MKNK1: variants seen among roughly 807,000 people sequenced by gnomAD.
MKNK1 encodes the protein MAP kinase-interacting serine/threonine-protein kinase 1.
In MKNK1, 30 loss-of-function variants were observed where a neutral mutation model predicts 49.3. The observed-to-expected ratio is 0.61, with a 90% CI of 0.46 to 0.83. MKNK1 has a LOEUF of 0.83. MKNK1 is among the 40% of genes least tolerant of loss of function. The probability of loss-of-function intolerance (pLI) is 0.00; values close to 1 mark genes in which losing one functional copy is unlikely to be tolerated. For missense variants in MKNK1, 423 were observed against 524.7 expected (o/e 0.81, Z 1.89); for synonymous variants, 176 against 201.7 (o/e 0.87, Z 1.08).
At chr1:46,560,348 A>T (rs1667729502) in intron 11 of MKNK1, 71 bp from the exon 12 acceptor site, 1 of 1,517,346 alleles carries the variant, frequency 6.6e-7, no homozygotes, top group Admixed American at 1.7e-5. Flanking sequence ...CACCCAAGCC[A>T]GCAGTGGGTA....
Position 46,568,427 on chromosome 1 carries a change from A to G in MKNK1, c.513+16T>C, listed in dbSNP as rs2148612129. ...GTAAGTATAAACTATAACATTCCAA[A>G]TCAGGCCCAAAGTACCTTTTCTGGA... On this transcript the variant is annotated intron_variant, in intron 8 of 12. Transcript: ENST00000371945. The G allele has an allele frequency of 6.2e-7, 1 of 1,613,272 alleles. No homozygotes were observed. Among genetic ancestry groups the G allele is most frequent in the Non-Finnish European group, 8.5e-7 (1 of 1,179,310 alleles).
chr1:46,571,944 T>C, intron 7 of MKNK1, 119 bp downstream of exon 7: 1 of 867,472 alleles, frequency 1.2e-6, no homozygotes, highest in Non-Finnish European at 1.9e-6. Flanking sequence ...TGTTCACACC[T>C]CAAGCTGCCT....
At chr1:46,580,451 T>C in intron 4 of MKNK1, 79 bp downstream of exon 4, 2 of 985,572 alleles carry the variant, frequency 2.0e-6, no homozygotes, top group Non-Finnish European at 3.3e-6. Flanking sequence ...TCTTATGGAA[T>C]ATAACATTTA....
At chr1:46,599,026 G>A (rs955561777) in intron 1 of MKNK1, among the ~76,000 whole-genome samples, 2 of 152,214 alleles carry the variant, frequency 1.3e-5, no homozygotes, top group African/African-American at 4.8e-5. Context: ...GGAGCTCATG[G>A]CATCAGTGCC....
At position 46,558,588 on chromosome 1, in the gene MKNK1, G is replaced by A. The variant is rs1557814467; in HGVS notation, c.1226C>T (p.Pro409Leu). ...GACTGGAGCATTTCAGAGTGCTGTGGGCGGGCTCCTGTCTTCACCACGGCC... is the reference window on the plus strand; with the variant it reads ...GACTGGAGCATTTCAGAGTGCTGTGAGCGGGCTCCTGTCTTCACCACGGCC... Reference protein sequence around the residue: ...QAGRGEDRSPPTAL With the variant: ...QAGRGEDRSPLTAL The change falls in exon 13 of 13, where the codon CCC (proline) becomes CTC (leucine). Residue 409 changes from proline to leucine, a missense_variant. By Grantham distance (98) the Pro-to-Leu change is moderately conservative (BLOSUM62 -3). Coordinates refer to ENST00000371945, the MANE Select transcript of MKNK1 (RefSeq NM_001135553.4). The A allele has an allele frequency of 6.2e-7, 1 of 1,610,500 alleles. No homozygotes were observed. Among genetic ancestry groups the A allele is most frequent in the East Asian group, 2.2e-5 (1 of 44,870 alleles).
chr1:46,559,149 T>TG (rs1219253385), intron 12 of MKNK1, among the ~76,000 whole-genome samples: 1 of 152,126 alleles, frequency 6.6e-6, no homozygotes, highest in Non-Finnish European at 1.5e-5. Flanking sequence ...CCAGCCTGCG[T>TG]GGGGAAAAAG....
intron 4 of MKNK1, 110 bp downstream of exon 4, chr1:46,580,420 A>G: frequency 1.3e-6 from 1 of 786,262 alleles, no homozygotes; most frequent in Non-Finnish European, 2.2e-6. Flanking sequence ...AATCCAGTGA[A>G]TACAGCTTCA....
intron 4 of MKNK1, among the ~76,000 whole-genome samples, chr1:46,577,055 C>T (rs746675182): frequency 2.3e-4 from 35 of 152,228 alleles, no homozygotes; most frequent in Admixed American, 9.8e-4. Context: ...GAGGGAGAGG[C>T]TGATGCAGGA....
At position 46,589,760 on chromosome 1, in the gene MKNK1, AC is replaced by A. The variant is rs1239443788; in HGVS notation, c.-3+4352del. Among the ~76,000 whole-genome samples, 2 of 152,112 alleles carry A rather than the reference AC, an allele frequency of 1.3e-5. No homozygotes were observed. Among genetic ancestry groups the A allele is most frequent in the Non-Finnish European group, 2.9e-5 (2 of 68,024 alleles). Reference sequence around the variant, plus strand: ...ATTCCTGACATGCAAGCATCCATCCACCATTCTGCTCCAGAAAGTGACCTCG... The same window carrying A: ...ATTCCTGACATGCAAGCATCCATCCACATTCTGCTCCAGAAAGTGACCTCG... On this transcript the variant is annotated intron_variant, in intron 2 of 12. Coordinates refer to ENST00000371945, the MANE Select transcript of MKNK1 (RefSeq NM_001135553.4). The surrounding 1 kb of genome is among the most constrained non-coding windows in gnomAD (Gnocchi z 4.3).
intron 1 of MKNK1, among the ~76,000 whole-genome samples, chr1:46,601,260 A>C (rs1674700546): frequency 6.6e-6 from 1 of 152,188 alleles, no homozygotes; most frequent in South Asian, 2.1e-4. Context: ...TATAAAATGA[A>C]AGTGGCGGAA....
intron 6 of MKNK1, 61 bp from the exon 7 acceptor site, chr1:46,572,228 T>C (rs1670291335): frequency 8.4e-6 from 12 of 1,429,436 alleles, no homozygotes; most frequent in Non-Finnish European, 1.2e-5. Flanking sequence ...ATAAGTTTTT[T>C]TTTTAGACGA....
Position 46,557,697 on chromosome 1 carries a change from C to CGAT in MKNK1, c.*875_*877dup, listed in dbSNP as rs1343138175. 6.6e-6 allele frequency: 1 copy of CGAT among 152,398 alleles called. No individual in the cohort carries two copies. The highest frequency in any genetic ancestry group is 1.5e-5 in the Non-Finnish European group (1 of 68,030). The allele number at this position is 152,398 out of a possible 1,614,324, so 9.4% of individuals were successfully genotyped here. A position where few individuals can be genotyped will look rare whatever the true frequency, so the allele number is the denominator to read the frequency against. ...GACCTGGGGACACAGCAGCAGACACCGATGCTGTCTCTAAGTTCATCACAG... is the reference window on the plus strand; with the variant it reads ...GACCTGGGGACACAGCAGCAGACACCGATGATGCTGTCTCTAAGTTCATCACAG... On this transcript the variant is annotated 3_prime_UTR_variant, in exon 13 of 13. Coordinates refer to ENST00000371945, the MANE Select transcript of MKNK1 (RefSeq NM_001135553.4).
intron 4 of MKNK1, 196 bp downstream of exon 4, chr1:46,580,334 C>T: frequency 1.7e-6 from 1 of 574,966 alleles, no homozygotes; most frequent in East Asian, 3.0e-5. Context: ...ACCCATTTTA[C>T]AGATGAGAAA....
At position 46,580,413 on chromosome 1, in the gene MKNK1, C is replaced by T. The variant is rs564880026; in HGVS notation, c.198+117G>A. 6 of 737,608 alleles carry T rather than the reference C, an allele frequency of 8.1e-6. 1 individual carries two copies. In the South Asian group the frequency reaches 9.5e-5, roughly 12 times the overall value. 45.7% of individuals were successfully genotyped at this position (737,608 alleles called of 1,614,324 possible). ...TAAGTAGAGAAACCAAGATTTGAAT[C>T]CAGTGAATACAGCTTCAGAGTCCCC... is the stretch of plus-strand genomic sequence containing the variant. On this transcript the variant is annotated intron_variant, in intron 4 of 12. Coordinates refer to ENST00000371945, the MANE Select transcript of MKNK1 (RefSeq NM_001135553.4).
chr1:46,585,208 C>G (rs889860932), intron 2 of MKNK1, among the ~76,000 whole-genome samples: 1 of 129,890 alleles, frequency 7.7e-6, no homozygotes, highest in African/African-American at 2.9e-5. Context: ...CGAGATCACG[C>G]CATTGCACTC....
At chr1:46,596,689 G>A (rs1487619388) in intron 1 of MKNK1, among the ~76,000 whole-genome samples, 1 of 152,188 alleles carries the variant, frequency 6.6e-6, no homozygotes, top group Non-Finnish European at 1.5e-5. Context: ...TCACAGAGTT[G>A]TCATGGCAAT....
intron 4 of MKNK1, among the ~76,000 whole-genome samples, chr1:46,577,580 T>C (rs2148670317): frequency 6.6e-6 from 1 of 152,356 alleles, no homozygotes; most frequent in East Asian, 1.9e-4. Context: ...GTATGAAACA[T>C]TTGCCTGCAG....
intron 1 of MKNK1, among the ~76,000 whole-genome samples, chr1:46,602,269 G>A (rs1259525560): frequency 3.9e-5 from 6 of 152,120 alleles, no homozygotes; most frequent in African/African-American, 1.4e-4. Context: ...AAAATTAGCC[G>A]GGTGTGGTGG....
chr1:46,586,477 G>A (rs1383604414), intron 2 of MKNK1, among the ~76,000 whole-genome samples: 1 of 152,138 alleles, frequency 6.6e-6, no homozygotes, highest in Non-Finnish European at 1.5e-5. Flanking sequence ...GGCCTTGAGT[G>A]CTCCCCTGTG....
Sources: allele counts gnomAD v4.1 joint callset (sites outside exome capture counted in the v4.1 genomes callset), GRCh38; gene constraint gnomAD v4.1.1; non-coding constraint Gnocchi (gnomAD v3.1); transcripts MANE v1.5; gene names NCBI Gene and HGNC (gene_info 2026-07-23, HGNC 2026-07-21).